Variants in CCL25 observed in about 807,000 individuals in gnomAD.
CCL25 encodes C-C motif chemokine 25.
Under a neutral mutation model 19.9 loss-of-function variants are expected in CCL25, and 14 were observed. That is an observed-to-expected ratio of 0.70 (90% CI 0.47 to 1.10). The LOEUF is 1.10. Among genes scored for constraint, CCL25 ranks in the 50% least tolerant of loss-of-function variants. The probability of loss-of-function intolerance (pLI) is 0.00; values close to 1 mark genes in which losing one functional copy is unlikely to be tolerated. For synonymous variants in CCL25, 68 were observed against 73.2 expected (o/e 0.93, Z 0.36); for missense variants, 151 against 181.2 (o/e 0.83, Z 0.96).
chr19:8,055,155 G>T (rs183936056), intron 2 of CCL25, among the ~76,000 whole-genome samples: 5,633 of 145,196 alleles, frequency 0.039, 365 homozygotes, highest in African/African-American at 0.13. Flanking sequence ...TGGTCGTGGT[G>T]GCGGGCGCCT....
intron 5 of CCL25, 50 bp downstream of exon 5, chr19:8,057,970 G>A: frequency 6.3e-7 from 1 of 1,589,602 alleles, no homozygotes; most frequent in Non-Finnish European, 8.6e-7. Flanking sequence ...CCTTTGCTGA[G>A]GGTTGAGGGC....
chr19:8,059,172 A>C (rs2081301284), intron 5 of CCL25, among the ~76,000 whole-genome samples: 1 of 114,182 alleles, frequency 8.8e-6, no homozygotes, highest in African/African-American at 3.4e-5. Context: ...TATATAATAT[A>C]TATAATATAT....
At chr19:8,054,139 C>T (rs1177694524) in intron 2 of CCL25, among the ~76,000 whole-genome samples, 1 of 152,230 alleles carries the variant, frequency 6.6e-6, no homozygotes, top group African/African-American at 2.4e-5. Flanking sequence ...CTCTGAGTTT[C>T]AGCAGCTGGC....
intron 5 of CCL25, among the ~76,000 whole-genome samples, chr19:8,058,240 G>C (rs903928702): frequency 6.8e-6 from 1 of 146,064 alleles, no homozygotes; most frequent in African/African-American, 2.5e-5. Context: ...GACATTGTGT[G>C]TGTGTGTCTC....
intron 4 of CCL25, 28 bp downstream of exon 4, chr19:8,056,527 G>T: frequency 6.2e-7 from 1 of 1,613,192 alleles, no homozygotes; most frequent in African/African-American, 1.3e-5. Context: ...TGGGCATCTA[G>T]GGGGCCTGCC....
intron 4 of CCL25, among the ~76,000 whole-genome samples, chr19:8,057,083 C>T (rs561749519): frequency 7.1e-4 from 108 of 152,226 alleles, no homozygotes; most frequent in South Asian, 1.5e-3. Flanking sequence ...TGCAGTGGCA[C>T]GATCTCGGCT....
rs965011904 is a variant in CCL25, at chr19:8,056,396, G to A, written c.222G>A (p.Val74=). Residue 74 remains valine (V), a synonymous_variant, in exon 4 of 6, where the codon GTG becomes GTA. Coordinates refer to ENST00000315626, the MANE Select transcript of CCL25 (RefSeq NM_005624.4). ...ACCTCCCCAAGAGACACAGGAAGGT[G>A]TGTGGGAACCCCAAAAGCAGGGAGG... ...IFYLPKRHRK[V]CGNPKSREVQ... The A allele has an allele frequency of 3.7e-6, 6 of 1,613,984 alleles. No individual in the cohort carries two copies. Among genetic ancestry groups the A allele is most frequent in the Non-Finnish European group, 5.1e-6 (6 of 1,179,958 alleles).
At chr19:8,056,524 C>T (rs1290407515) in intron 4 of CCL25, 25 bp downstream of exon 4, 1 of 1,613,292 alleles carries the variant, frequency 6.2e-7, no homozygotes, top group Admixed American at 1.7e-5. Context: ...TGCTGGGCAT[C>T]TAGGGGGCCT....
Position 8,062,476 on chromosome 19 carries a change from C to A in CCL25, c.*251C>A. On this transcript the variant is annotated 3_prime_UTR_variant, in exon 6 of 6. Transcript: ENST00000315626. ...AGCAGCAATCCTGGGCAGCCAGTGG[C>A]TCTTGTAGAGAAGACTTAGGATACC... The A allele has an allele frequency of 1.8e-6, 1 of 546,580 alleles. No homozygotes were observed. Among genetic ancestry groups the A allele is most frequent in the Non-Finnish European group, 3.3e-6 (1 of 304,512 alleles). 33.9% of individuals were successfully genotyped at this position (546,580 alleles called of 1,614,324 possible).
At chr19:8,058,193 G>C (rs2081285834) in intron 5 of CCL25, among the ~76,000 whole-genome samples, 1 of 150,880 alleles carries the variant, frequency 6.6e-6, no homozygotes, top group Non-Finnish European at 1.5e-5. Context: ...TTCTCCAGCA[G>C]GGACCGGGTG....
intron 5 of CCL25, among the ~76,000 whole-genome samples, chr19:8,060,002 T>C (rs1042504523): frequency 1.3e-5 from 2 of 151,874 alleles, no homozygotes; most frequent in African/African-American, 4.8e-5. Flanking sequence ...GGCAGGAGAA[T>C]GGCATGAACC....
chr19:8,060,826 G>A (rs977000032), intron 5 of CCL25, among the ~76,000 whole-genome samples: 28 of 151,472 alleles, frequency 1.8e-4, no homozygotes, highest in African/African-American at 6.5e-4. Flanking sequence ...GACTACAGGC[G>A]CCCGCCACCA....
intron 2 of CCL25, among the ~76,000 whole-genome samples, chr19:8,053,538 T>G (rs1422928970): frequency 2.1e-5 from 3 of 145,590 alleles, no homozygotes; most frequent in African/African-American, 7.6e-5. Flanking sequence ...AGTTAGTTGC[T>G]CCTAAACCAT....
intron 5 of CCL25, among the ~76,000 whole-genome samples, chr19:8,059,175 T>C (rs1321034816): frequency 8.5e-6 from 1 of 117,064 alleles, no homozygotes; most frequent in Non-Finnish European, 1.7e-5. Flanking sequence ...ATAATATATA[T>C]AATATATAAA....
At chr19:8,057,538 C>T (rs2081281339) in intron 4 of CCL25, among the ~76,000 whole-genome samples, 1 of 151,968 alleles carries the variant, frequency 6.6e-6, no homozygotes, top group Admixed American at 6.6e-5. Flanking sequence ...TGCCATGTTG[C>T]CCAGGCTGGA....
At chr19:8,056,302 G>GGGGGGGGGGGGGGGGGCCCCCC in intron 3 of CCL25, 33 bp downstream of exon 3, 3 of 593,304 alleles carry the variant, frequency 5.1e-6, no homozygotes, top group Non-Finnish European at 6.4e-6. Flanking sequence ...GGGGGGTGGG[G>GGGGGGGGGGGGGGGGGCCCCCC]TGCACACACA....
At position 8,056,244 on chromosome 19, in the gene CCL25, G is replaced by A. The variant is rs772868826; in HGVS notation, c.166G>A (p.Gly56Arg). 8.2e-6 allele frequency: 13 copies of A among 1,591,084 alleles called. No homozygotes were observed. Among genetic ancestry groups the A allele is most frequent in the South Asian group, 4.5e-5 (4 of 88,434 alleles). ...GACTTACCGGATCCAGGAGGTGAGC[G>A]GGAGCTGCAATCTGCCTGCTGCGAT... The part of the protein sequence containing the change: ...AWTYRIQEVS[G>R]SCNLPAAIFY... The change falls in exon 3 of 6, where the codon GGG becomes AGG. Residue 56 changes from glycine (G) to arginine (R), a missense_variant. Transcript: ENST00000315626.
At chr19:8,056,318 G>A (rs2081272028) in intron 3 of CCL25, 48 bp from the exon 4 acceptor site, 2 of 1,607,620 alleles carry the variant, frequency 1.2e-6, no homozygotes, top group African/African-American at 1.3e-5. Flanking sequence ...ACACAGCCTT[G>A]CTGCCAGCCT....
intron 5 of CCL25, among the ~76,000 whole-genome samples, chr19:8,058,391 G>A (rs1241825431): frequency 7.0e-4 from 43 of 61,512 alleles, no homozygotes; most frequent in East Asian, 9.6e-4. Context: ...TAATATATAA[G>A]TAAATATATA....
Sources: gnomAD v4.1 joint callset for allele counts (sites outside exome capture counted in the v4.1 genomes callset) on GRCh38, gnomAD v4.1.1 for gene constraint, MANE v1.5 for transcripts, NCBI Gene and HGNC (gene_info 2026-07-23, HGNC 2026-07-21) for gene names.